Variants in LMO7 observed in about 807,000 individuals in gnomAD.
LMO7 encodes the protein LIM domain 7.
In LMO7, 120 loss-of-function variants were observed where a neutral mutation model predicts 206.5. The observed-to-expected ratio is 0.58, with a 90% CI of 0.50 to 0.68. The LOEUF is 0.68. Among genes scored for constraint, LMO7 ranks in the 30% least tolerant of loss-of-function variants. The pLI is 0.00. For missense variants in LMO7, 1,959 were observed against 1,957.9 expected (o/e 1.00, Z -0.01); for synonymous variants, 706 against 681.5 (o/e 1.04, Z -0.56).
At chr13:75,830,846 T>C (rs1401564430) in intron 15 of LMO7, among the ~76,000 whole-genome samples, 2 of 152,200 alleles carry the variant, frequency 1.3e-5, no homozygotes, top group Non-Finnish European at 2.9e-5. Flanking sequence ...CTTTATGTAG[T>C]TTGAGAGTAT....
intron 4 of LMO7, among the ~76,000 whole-genome samples, chr13:75,765,371 C>CTTTTT (rs77568842): frequency 8.4e-6 from 1 of 118,814 alleles, no homozygotes. Flanking sequence ...ACATCTTCAT[C>CTTTTT]TTTTTTTTTT....
At chr13:75,722,555 G>T (rs2044113856) in intron 2 of LMO7, among the ~76,000 whole-genome samples, 1 of 152,134 alleles carries the variant, frequency 6.6e-6, no homozygotes, top group Non-Finnish European at 1.5e-5. Context: ...ATAGTTGTTG[G>T]TGTGGATGCA....
chr13:75,856,442 C>A, intron 29 of LMO7, 64 bp from the exon 30 acceptor site: 1 of 942,084 alleles, frequency 1.1e-6, no homozygotes, highest in Non-Finnish European at 1.7e-6. Flanking sequence ...CCCCCACCCC[C>A]AGGAGTGCCC....
chr13:75,848,787 C>T (rs918892901), intron 26 of LMO7, among the ~76,000 whole-genome samples: 1 of 152,192 alleles, frequency 6.6e-6, no homozygotes, highest in African/African-American at 2.4e-5. Flanking sequence ...GGTGGGATTG[C>T]TGGATCAAAT....
chr13:75,807,510 A>G lies in LMO7; in HGVS notation c.1227A>G (p.Thr409=). 1.9e-6 allele frequency: 3 copies of G among 1,613,650 alleles called. No homozygotes were observed. The highest frequency in any genetic ancestry group is 2.5e-6 in the Non-Finnish European group (3 of 1,179,834). The change falls in exon 10 of 31, where the codon ACA becomes ACG. Residue 409 remains threonine (T), a synonymous_variant. Transcript: ENST00000377534. ...TTTTACTGCTTCAGGCCCTCCAAAC[A>G]TACTCTGATGACATCTTGTCTTCTG... The part of the protein sequence containing the change: ...SQFLLLQALQ[T]YSDDILSSET...
chr13:75,656,735 A>G (rs1478156905), intron 1 of LMO7, among the ~76,000 whole-genome samples: 2 of 152,144 alleles, frequency 1.3e-5, no homozygotes. Flanking sequence ...ACATCAATTC[A>G]GTTGGCTATG....
intron 3 of LMO7, 21 bp from the exon 4 acceptor site, chr13:75,760,911 A>G: frequency 1.9e-6 from 3 of 1,612,450 alleles, no homozygotes; most frequent in Non-Finnish European, 2.5e-6. Context: ...CTAAGCAATC[A>G]CTTTCCACTT....
At chr13:75,734,806 T>A (rs1327558301) in intron 3 of LMO7, among the ~76,000 whole-genome samples, 1 of 152,194 alleles carries the variant, frequency 6.6e-6, no homozygotes, top group Non-Finnish European at 1.5e-5. Flanking sequence ...TTTAGTGGTT[T>A]CAAATTATAT....
chr13:75,696,060 T>C (rs1275328794), intron 1 of LMO7, among the ~76,000 whole-genome samples: 1 of 152,112 alleles, frequency 6.6e-6, no homozygotes, highest in African/African-American at 2.4e-5. Flanking sequence ...ACATTTCCAG[T>C]AAAGAACCGA....
chr13:75,695,323 T>G (rs2041820010), intron 1 of LMO7, among the ~76,000 whole-genome samples: 1 of 152,206 alleles, frequency 6.6e-6, no homozygotes, highest in South Asian at 2.1e-4. Context: ...ATTTTCTGTG[T>G]CAGGATTTTT....
At chr13:75,838,062 G>T (rs1279007082) in intron 19 of LMO7, 78 bp from the exon 20 acceptor site, 3 of 794,152 alleles carry the variant, frequency 3.8e-6, no homozygotes, top group Non-Finnish European at 6.5e-6. Context: ...GATTGGAAAG[G>T]TATATCAAGT....
At chr13:75,722,216 T>TA (rs1005640438) in intron 2 of LMO7, among the ~76,000 whole-genome samples, 16 of 152,198 alleles carry the variant, frequency 1.1e-4, no homozygotes, top group Admixed American at 1.0e-3. Context: ...TTAATTAAAT[T>TA]AAAAAACTTC....
intron 27 of LMO7, 35 bp downstream of exon 27, chr13:75,849,327 T>C (rs1566615409): frequency 1.3e-6 from 2 of 1,487,292 alleles, no homozygotes; most frequent in South Asian, 2.3e-5. Flanking sequence ...TTCTTGTCTT[T>C]ACTGTGAGGC....
rs541046510 is a variant in LMO7, at chr13:75,858,047, A to T, written c.*104A>T. On this transcript the variant is annotated 3_prime_UTR_variant, in exon 31 of 31. Transcript: ENST00000377534. Reference sequence around the variant, plus strand: ...TGTATGTCTTTTTTGCTTTTTTTTTAAAAAAAAGAATAACTTTTTTTGCCT... The same window carrying T: ...TGTATGTCTTTTTTGCTTTTTTTTTTAAAAAAAGAATAACTTTTTTTGCCT... The T allele has an allele frequency of 1.1e-3, 1,366 of 1,261,046 alleles. 7 individuals are homozygous for T. The highest frequency in any genetic ancestry group is 9.9e-3 in the South Asian group (706 of 71,066). The allele number at this position is 1,261,046 out of a possible 1,614,324, so 78.1% of individuals were successfully genotyped here. A position where few individuals can be genotyped will look rare whatever the true frequency, so the allele number is the denominator to read the frequency against.
chr13:75,737,524 C>T (rs909715938), intron 3 of LMO7, among the ~76,000 whole-genome samples: 64 of 149,090 alleles, frequency 4.3e-4, no homozygotes, highest in Admixed American at 6.0e-4. Context: ...GAGGCCGAGG[C>T]GGGCGGATCA....
intron 4 of LMO7, among the ~76,000 whole-genome samples, chr13:75,775,686 A>T (rs1566431859): frequency 6.6e-6 from 1 of 152,120 alleles, no homozygotes; most frequent in Non-Finnish European, 1.5e-5. Context: ...TAAGTGGCTA[A>T]CAAACACATG....
At chr13:75,736,071 C>T (rs549071489) in intron 3 of LMO7, among the ~76,000 whole-genome samples, 7 of 152,142 alleles carry the variant, frequency 4.6e-5, no homozygotes, top group South Asian at 4.1e-4. Flanking sequence ...ATTTTCTGAT[C>T]GTATGATTAT....
chr13:75,680,571 CT>C (rs111870938), intron 1 of LMO7, among the ~76,000 whole-genome samples: 61 of 148,008 alleles, frequency 4.1e-4, no homozygotes, highest in African/African-American at 5.0e-4. Context: ...TGTTTCTTGA[CT>C]TTTTTTTTTT....
chr13:75,822,366 A>G (rs2057666174), intron 14 of LMO7, among the ~76,000 whole-genome samples: 1 of 152,196 alleles, frequency 6.6e-6, no homozygotes, highest in Non-Finnish European at 1.5e-5. Flanking sequence ...AGGAAAATGT[A>G]GACATATTTG....
Sources: allele counts gnomAD v4.1 joint callset (sites outside exome capture counted in the v4.1 genomes callset), GRCh38; gene constraint gnomAD v4.1.1; transcripts MANE v1.5; gene names NCBI Gene and HGNC (gene_info 2026-07-23, HGNC 2026-07-21).